DYNC2I2: variants seen among roughly 807,000 people sequenced by gnomAD.
DYNC2I2 encodes dynein 2 intermediate chain 2.
A neutral mutation model predicts 52.0 loss-of-function variants in DYNC2I2; 39 were observed. The ratio of observed to expected loss-of-function variants is 0.75; its 90% CI spans 0.58 to 0.98. The LOEUF (loss-of-function observed/expected upper bound fraction) is 0.98, where lower values mean the gene tolerates loss of function less well. Among genes scored for constraint, DYNC2I2 ranks in the 50% least tolerant of loss-of-function variants. The pLI, the probability that DYNC2I2 is intolerant of heterozygous loss-of-function variation, is 0.00. For missense variants in DYNC2I2, 743 were observed against 728.4 expected (o/e 1.02, Z -0.23); for synonymous variants, 359 against 321.1 (o/e 1.12, Z -1.26).
the DYNC2I2 span, among the ~76,000 whole-genome samples, chr9:128,679,489 G>C: frequency 6.6e-6 from 1 of 151,912 alleles, no homozygotes; most frequent in Admixed American, 6.6e-5. Context: ...TTTGAGGCAG[G>C]GTCTTGCTCT....
upstream of DYNC2I2, among the ~76,000 whole-genome samples, chr9:128,659,291 C>T (rs1044860228): frequency 6.6e-6 from 1 of 151,394 alleles, no homozygotes; most frequent in East Asian, 1.9e-4. Context: ...GTCAGGAGAT[C>T]GAGACCATCC....
At chr9:128,656,849 C>T (rs1860840210), upstream of DYNC2I2, 1 of 962,612 alleles carries the variant, frequency 1.0e-6, no homozygotes, top group East Asian at 3.3e-5. Context: ...CGCAGCGCCT[C>T]CTGCAAGACC....
chr9:128,656,528 C>T lies in DYNC2I2; in HGVS notation c.186+13G>A. On this transcript the variant is annotated intron_variant, in intron 1 of 8. Coordinates refer to ENST00000372715, the MANE Select transcript of DYNC2I2 (RefSeq NM_052844.4). ...CCCGCCCGCGTCGCTCCGCGCGGGG[C>T]CCGCGCCCTCACCGTCTCCCAGCGG... 1.5e-6 allele frequency: 2 copies of T among 1,344,344 alleles called. No individual in the cohort carries two copies. The highest frequency in any genetic ancestry group is 1.8e-5 in the South Asian group (1 of 54,556). 83.3% of individuals were successfully genotyped at this position (1,344,344 alleles called of 1,614,324 possible).
At chr9:128,655,335 TAAAAAAAAAAAAA>T (rs869197100) in intron 1 of DYNC2I2, among the ~76,000 whole-genome samples, 2 of 18,684 alleles carry the variant, frequency 1.1e-4, no homozygotes, top group East Asian at 2.4e-3. Flanking sequence ...CCGTCTCTAC[TAAAAAAAAAAAAA>T]AAAAAAAAAA....
chr9:128,657,928 A>G (rs554155108), upstream of DYNC2I2, among the ~76,000 whole-genome samples: 1 of 152,056 alleles, frequency 6.6e-6, no homozygotes, highest in Admixed American at 6.6e-5. Context: ...CCTCTCTACA[A>G]AAAAAAATTT....
the DYNC2I2 span, among the ~76,000 whole-genome samples, chr9:128,681,848 G>A: frequency 6.6e-6 from 1 of 152,152 alleles, no homozygotes; most frequent in African/African-American, 2.4e-5. Context: ...TGAAGCAGGA[G>A]GATCACTTAA....
At chr9:128,636,864 CA>C in intron 3 of DYNC2I2, 53 bp downstream of exon 3, 1 of 1,405,410 alleles carries the variant, frequency 7.1e-7, no homozygotes. Flanking sequence ...AGACAAGGCC[CA>C]AGGAGGGTCC....
At chr9:128,679,812 A>T in the DYNC2I2 span, among the ~76,000 whole-genome samples, 1 of 151,952 alleles carries the variant, frequency 6.6e-6, no homozygotes, top group South Asian at 2.1e-4. Context: ...GCGCCACTGC[A>T]TTCCAGCCTG....
chr9:128,647,750 A>G (rs895516782), intron 1 of DYNC2I2, among the ~76,000 whole-genome samples: 1 of 145,244 alleles, frequency 6.9e-6, no homozygotes, highest in Non-Finnish European at 1.5e-5. Flanking sequence ...AAAAAAAAAA[A>G]AGCGTTCAGG....
chr9:128,640,546 A>T, intron 2 of DYNC2I2, 145 bp downstream of exon 2: 2 of 1,298,184 alleles, frequency 1.5e-6, no homozygotes, highest in Non-Finnish European at 2.1e-6. Context: ...TAGGGAACCT[A>T]GCGCAGTACC....
the DYNC2I2 span, among the ~76,000 whole-genome samples, chr9:128,684,233 G>T: frequency 1.3e-5 from 2 of 152,124 alleles, no homozygotes; most frequent in East Asian, 3.9e-4. Context: ...ACTGACCCCT[G>T]AGCTTGTCTC....
At chr9:128,659,466 G>A (rs535582675), upstream of DYNC2I2, among the ~76,000 whole-genome samples, 77 of 148,228 alleles carry the variant, frequency 5.2e-4, 1 homozygote, top group South Asian at 5.7e-3. Context: ...CTGCACTCCA[G>A]CCTGGGCGAC....
rs550648321 is a variant in DYNC2I2 at position 128,635,636 on chromosome 9, G to A, written c.813+22C>T. On this transcript the variant is annotated intron_variant, in intron 5 of 8. Coordinates refer to ENST00000372715, the MANE Select transcript of DYNC2I2 (RefSeq NM_052844.4). ...CCAGCTCTGCCTCAGGGCCCACCCC[G>A]CCCGGCAGCCCCTGCCCTGACCTGG... The A allele has an allele frequency of 3.6e-5, 57 of 1,577,704 alleles. No homozygotes were observed. In the South Asian group the frequency reaches 5.1e-4, roughly 14 times the overall value.
At chr9:128,636,896 C>T in intron 3 of DYNC2I2, 22 bp downstream of exon 3, 6 of 1,595,228 alleles carry the variant, frequency 3.8e-6, no homozygotes, top group African/African-American at 1.3e-5. Context: ...AGCTGCCCCT[C>T]ACCTGCCCCG....
the DYNC2I2 span, chr9:128,663,098 A>G: frequency 4.6e-5 from 7 of 152,148 alleles, no homozygotes; most frequent in African/African-American, 1.4e-4. Flanking sequence ...GCCCGGCCCC[A>G]ATTCATTCTT....
the DYNC2I2 span, chr9:128,683,752 C>T: frequency 3.2e-6 from 2 of 630,014 alleles, no homozygotes; most frequent in Non-Finnish European, 5.3e-6. Context: ...GGGTGTGTGT[C>T]CCACTGTCAT....
At position 128,645,566 on chromosome 9, in the gene DYNC2I2, G is replaced by A. The variant is rs574042664; in HGVS notation, c.187-4627C>T. Among the ~76,000 whole-genome samples, 5 of 128,162 alleles carry A rather than the reference G, an allele frequency of 3.9e-5. No homozygotes were observed. In the South Asian group the frequency reaches 7.9e-4, roughly 20 times the overall value. The allele number at this position is 128,162 out of a possible 152,430, so 84.1% of individuals were successfully genotyped here. ...CAAAAAGCAGAGGTTGCAATGAGCC[G>A]AGATCGTACCACTGCACTCTGGCCT... On this transcript the variant is annotated intron_variant, in intron 1 of 8. Coordinates refer to ENST00000372715, the MANE Select transcript of DYNC2I2 (RefSeq NM_052844.4).
chr9:128,640,670 C>T, intron 2 of DYNC2I2, 21 bp downstream of exon 2: 1 of 1,606,502 alleles, frequency 6.2e-7, no homozygotes, highest in Non-Finnish European at 8.5e-7. Flanking sequence ...CGACCCGAGG[C>T]TGCACCAGCC....
At chr9:128,681,009 G>T in the DYNC2I2 span, among the ~76,000 whole-genome samples, 1 of 152,056 alleles carries the variant, frequency 6.6e-6, no homozygotes, top group African/African-American at 2.4e-5. Context: ...AAATCACATG[G>T]TGTATACTAT....
Sources: allele counts gnomAD v4.1 joint callset (sites outside exome capture counted in the v4.1 genomes callset), GRCh38; gene constraint gnomAD v4.1.1; transcripts MANE v1.5; gene names NCBI Gene and HGNC (gene_info 2026-07-23, HGNC 2026-07-21).